The following SFMBT1 variants were observed in gnomAD, a reference collection of about 807,000 sequenced individuals.
SFMBT1 encodes the protein Scm like with four mbt domains 1.
In SFMBT1, 32 loss-of-function variants were observed where a neutral mutation model predicts 108.7. That is an observed-to-expected ratio of 0.29 (90% CI 0.22 to 0.40). SFMBT1 has a LOEUF of 0.40. SFMBT1 is among the 10% of genes least tolerant of loss of function. The pLI is 1.00. For synonymous variants in SFMBT1, 348 were observed against 369.5 expected (o/e 0.94, Z 0.67); for missense variants, 816 against 1,059.6 (o/e 0.77, Z 3.19).
chr3:52,908,356 G>A (rs1410248047), intron 17 of SFMBT1, among the ~76,000 whole-genome samples: 1 of 152,086 alleles, frequency 6.6e-6, no homozygotes, highest in African/African-American at 2.4e-5. Context: ...ACAGGCATGA[G>A]CCACCACGTC....
At position 52,910,470 on chromosome 3, in the gene SFMBT1, T is replaced by C. The variant is rs1575365427; in HGVS notation, c.1906+533A>G. On this transcript the variant is annotated intron_variant, in intron 17 of 20. Coordinates refer to ENST00000394752, the MANE Select transcript of SFMBT1 (RefSeq NM_016329.4). Reference sequence around the variant, plus strand: ...TTGGTATAGCCCCCAAGCCAAAAATTACCCTTACATTTTTTAAAGGGTTCT... The same window carrying C: ...TTGGTATAGCCCCCAAGCCAAAAATCACCCTTACATTTTTTAAAGGGTTCT... Among the ~76,000 whole-genome samples the C allele has an allele frequency of 2.6e-5, 4 of 152,286 alleles. No homozygotes were observed. The Middle Eastern group carries it at 0.01, about 388-fold the overall frequency.
At chr3:53,006,403 G>A (rs2106920974) in intron 1 of SFMBT1, among the ~76,000 whole-genome samples, 1 of 152,170 alleles carries the variant, frequency 6.6e-6, no homozygotes, top group East Asian at 1.9e-4. Flanking sequence ...GGCCAAGGTG[G>A]GCAGATCACG....
chr3:52,946,173 A>G (rs1034161403), intron 3 of SFMBT1, among the ~76,000 whole-genome samples: 2 of 152,256 alleles, frequency 1.3e-5, no homozygotes, highest in Non-Finnish European at 2.9e-5. Flanking sequence ...AGGCTCATCA[A>G]AAGTGTCAAG....
chr3:52,985,631 T>C (rs1004600484), intron 1 of SFMBT1, among the ~76,000 whole-genome samples: 1 of 152,226 alleles, frequency 6.6e-6, no homozygotes, highest in Non-Finnish European at 1.5e-5. Context: ...GGATATGTTC[T>C]GAGAAATTTG....
At chr3:52,945,023 C>T (rs1004337921) in intron 3 of SFMBT1, among the ~76,000 whole-genome samples, 4 of 151,254 alleles carry the variant, frequency 2.6e-5, no homozygotes, top group Non-Finnish European at 4.4e-5. Flanking sequence ...AGGCTGGTCT[C>T]AAATTCCCGA....
At chr3:52,995,976 CAGA>C (rs1698313394) in intron 1 of SFMBT1, among the ~76,000 whole-genome samples, 1 of 148,198 alleles carries the variant, frequency 6.7e-6, no homozygotes, top group South Asian at 2.2e-4. Context: ...GAGGCTGAGG[CAGA>C]AGAATCACTT....
intron 1 of SFMBT1, among the ~76,000 whole-genome samples, chr3:53,040,933 T>C (rs1700023061): frequency 6.8e-6 from 1 of 146,276 alleles, no homozygotes; most frequent in Non-Finnish European, 1.5e-5. Flanking sequence ...GCCTCCCGAG[T>C]AGCTGAGACT....
intron 1 of SFMBT1, among the ~76,000 whole-genome samples, chr3:52,999,431 G>C (rs956633389): frequency 2.0e-5 from 3 of 150,470 alleles, no homozygotes; most frequent in Non-Finnish European, 4.5e-5. Flanking sequence ...GTGGGGCAGG[G>C]AGGCTGGATT....
chr3:53,039,681 C>T (rs559619528), intron 1 of SFMBT1, among the ~76,000 whole-genome samples: 1 of 152,298 alleles, frequency 6.6e-6, no homozygotes, highest in Non-Finnish European at 1.5e-5. Flanking sequence ...GTTGCCCAAG[C>T]TGGAGTGCAG....
At position 52,969,098 on chromosome 3, in the gene SFMBT1, T is replaced by C. The variant is rs768023753; in HGVS notation, c.28+3A>G. ...GAATAAATTCTGAGAATAAAACCAATACCTGCATCAAGCTGCTGCTCCCCG... is the reference window on the plus strand; with the variant it reads ...GAATAAATTCTGAGAATAAAACCAACACCTGCATCAAGCTGCTGCTCCCCG... On this transcript the variant is annotated splice_donor_region_variant and intron_variant, in intron 2 of 20. Coordinates refer to ENST00000394752, the MANE Select transcript of SFMBT1 (RefSeq NM_016329.4). The C allele has an allele frequency of 7.4e-6, 12 of 1,613,912 alleles. No individual in the cohort carries two copies. In the South Asian group the frequency reaches 9.9e-5, roughly 13 times the overall value.
intron 1 of SFMBT1, among the ~76,000 whole-genome samples, chr3:53,029,269 A>T (rs1332226090): frequency 2.0e-5 from 3 of 152,184 alleles, no homozygotes; most frequent in Admixed American, 6.5e-5. Context: ...TTTTTAGGAA[A>T]ATATTTTACA....
Position 53,015,215 on chromosome 3 carries a change from G to GA in SFMBT1, c.-131+30600dup, listed in dbSNP as rs56067925. On this transcript the variant is annotated intron_variant, in intron 1 of 20. Coordinates refer to ENST00000394752, the MANE Select transcript of SFMBT1 (RefSeq NM_016329.4). ...CAGGTGAGAGAGACCCTGTCCCAAG[G>GA]AAAAAAAAAAAAAATCATTGTATTT... Among the ~76,000 whole-genome samples, 367 of 117,846 alleles carry GA rather than the reference G, an allele frequency of 3.1e-3. 2 individuals carry two copies. The highest frequency in any genetic ancestry group is 0.012 in the East Asian group (49 of 4,236). The allele number at this position is 117,846 out of a possible 152,430, so 77.3% of individuals were successfully genotyped here.
chr3:53,039,339 G>A (rs1221715071), intron 1 of SFMBT1, among the ~76,000 whole-genome samples: 1 of 150,534 alleles, frequency 6.6e-6, no homozygotes, highest in East Asian at 2.0e-4. Flanking sequence ...AAGACATTAT[G>A]TTAAGTGAAT....
intron 4 of SFMBT1, among the ~76,000 whole-genome samples, chr3:52,942,773 C>T (rs374441999): frequency 6.6e-6 from 1 of 152,334 alleles, no homozygotes; most frequent in African/African-American, 2.4e-5. Context: ...CCTCAGCCTC[C>T]CAAAGTGGTG....
At chr3:52,984,398 C>CTT (rs201391464) in intron 1 of SFMBT1, among the ~76,000 whole-genome samples, 102 of 143,954 alleles carry the variant, frequency 7.1e-4, no homozygotes, top group Admixed American at 1.7e-3. Context: ...GGGGCCAATT[C>CTT]TTTTTTTTTT....
chr3:52,980,567 G>A (rs1368386263), intron 1 of SFMBT1, among the ~76,000 whole-genome samples: 3 of 151,556 alleles, frequency 2.0e-5, no homozygotes, highest in African/African-American at 7.3e-5. Flanking sequence ...GAAAAAGCTG[G>A]ATTGCTTGAT....
chr3:52,929,181 C>A (rs1702780386), intron 8 of SFMBT1, among the ~76,000 whole-genome samples: 1 of 152,166 alleles, frequency 6.6e-6, no homozygotes, highest in African/African-American at 2.4e-5. Context: ...TAAGCTTATG[C>A]TACTATGTAT....
At chr3:53,021,209 T>C (rs1458940554) in intron 1 of SFMBT1, among the ~76,000 whole-genome samples, 1 of 152,240 alleles carries the variant, frequency 6.6e-6, no homozygotes, top group Non-Finnish European at 1.5e-5. Flanking sequence ...AATTCAATTA[T>C]CACTTCTCTA....
chr3:52,969,954 C>T (rs1385037178), intron 1 of SFMBT1, among the ~76,000 whole-genome samples: 1 of 151,896 alleles, frequency 6.6e-6, no homozygotes, highest in African/African-American at 2.4e-5. Flanking sequence ...AATACAAAAA[C>T]TAGCTGGGTA....
Sources: allele counts gnomAD v4.1 joint callset (sites outside exome capture counted in the v4.1 genomes callset), GRCh38; gene constraint gnomAD v4.1.1; transcripts MANE v1.5; gene names NCBI Gene and HGNC (gene_info 2026-07-23, HGNC 2026-07-21).